The following ARHGAP8 variants were observed in gnomAD, a reference collection of about 807,000 sequenced individuals.
The protein encoded by ARHGAP8 is Rho GTPase activating protein 8, also known as rho GTPase-activating protein 8.
A neutral mutation model predicts 46.1 loss-of-function variants in ARHGAP8; 62 were observed. That is an observed-to-expected ratio of 1.34 (90% CI 1.10 to 1.66). The LOEUF is 1.66. Ranked by LOEUF, ARHGAP8 falls within the 40% of genes most tolerant of loss-of-function variation. The pLI is 0.00. For synonymous variants in ARHGAP8, 375 were observed against 243.1 expected, an observed-to-expected ratio of 1.54 and a Z score of -5.05; for missense variants, 923 against 568.4, an observed-to-expected ratio of 1.62 and a Z score of -6.34.
chr22:44,826,350 C>T (rs911464611), intron 7 of ARHGAP8, among the ~76,000 whole-genome samples: 5 of 152,154 alleles, frequency 3.3e-5, no homozygotes, highest in Non-Finnish European at 5.9e-5. Context: ...CCTGTCCTTC[C>T]TAATACCCTT....
intron 10 of ARHGAP8, among the ~76,000 whole-genome samples, chr22:44,856,253 CCTTTTTTTTTTTTTT>C (rs2070219665): frequency 3.6e-5 from 4 of 111,092 alleles, no homozygotes; most frequent in African/African-American, 8.6e-5. Flanking sequence ...CTATAAATTC[CCTTTTTTTTTTTTTT>C]TTTTTTTTTT....
At chr22:44,800,440 C>G (rs541466128) in intron 2 of ARHGAP8, among the ~76,000 whole-genome samples, 3 of 152,280 alleles carry the variant, frequency 2.0e-5, no homozygotes, top group East Asian at 1.9e-4. Flanking sequence ...GCGCCTGGCC[C>G]GGAGCCTGGA....
At chr22:44,792,006 C>CTTCT (rs537616131) in intron 2 of ARHGAP8, among the ~76,000 whole-genome samples, 1 of 140,810 alleles carries the variant, frequency 7.1e-6, no homozygotes, top group East Asian at 2.3e-4. Flanking sequence ...TCTTCTTTTT[C>CTTCT]TTCTTTCTTT....
At chr22:44,761,921 G>T (rs958031860) in intron 1 of ARHGAP8, among the ~76,000 whole-genome samples, 1 of 152,170 alleles carries the variant, frequency 6.6e-6, no homozygotes, top group African/African-American at 2.4e-5. Flanking sequence ...AAAACCATCA[G>T]ATCTCATGAG....
intron 10 of ARHGAP8, among the ~76,000 whole-genome samples, chr22:44,854,260 G>A (rs949213194): frequency 1.4e-5 from 2 of 138,474 alleles, no homozygotes; most frequent in Admixed American, 7.7e-5. Flanking sequence ...TTTTTGAGAC[G>A]GAGTCTTGCT....
At chr22:44,776,918 C>A (rs1465788594) in intron 1 of ARHGAP8, among the ~76,000 whole-genome samples, 1 of 152,106 alleles carries the variant, frequency 6.6e-6, no homozygotes, top group East Asian at 1.9e-4. Context: ...CCTGCTCTGT[C>A]CATCACCCTC....
chr22:44,815,688 A>G (rs981525840), intron 5 of ARHGAP8, among the ~76,000 whole-genome samples: 4 of 152,054 alleles, frequency 2.6e-5, no homozygotes, highest in Non-Finnish European at 5.9e-5. Flanking sequence ...CCATATTTAG[A>G]CTTGTTCCTG....
chr22:44,860,222 TACACCCAGA>T (rs1414368024), intron 11 of ARHGAP8, among the ~76,000 whole-genome samples: 4 of 152,150 alleles, frequency 2.6e-5, no homozygotes, highest in Non-Finnish European at 4.4e-5. Context: ...GGGGAAGGGA[TACACCCAGA>T]ACCACGTACA....
At chr22:44,844,028 G>C (rs2069895212) in intron 7 of ARHGAP8, among the ~76,000 whole-genome samples, 1 of 152,220 alleles carries the variant, frequency 6.6e-6, no homozygotes, top group Non-Finnish European at 1.5e-5. Flanking sequence ...TTGGAGTGCA[G>C]TGGTGCGATC....
chr22:44,858,364 T>G (rs1296979590), intron 10 of ARHGAP8, among the ~76,000 whole-genome samples: 4 of 114,374 alleles, frequency 3.5e-5, no homozygotes, highest in Admixed American at 1.0e-4. Context: ...TGTTGGTTGG[T>G]GGTGGTTTTT....
At chr22:44,761,200 G>A (rs944715301) in intron 1 of ARHGAP8, among the ~76,000 whole-genome samples, 4 of 141,224 alleles carry the variant, frequency 2.8e-5, no homozygotes, top group Admixed American at 6.7e-5. Context: ...AAGGATCACG[G>A]AAATAAGTGC....
rs985087696 is a variant in ARHGAP8, at chr22:44,820,359, C to T, written c.387-2012C>T. On this transcript the variant is annotated intron_variant, in intron 5 of 11. Coordinates refer to ENST00000356099, the MANE Select transcript of ARHGAP8 (RefSeq NM_181335.3). ...GGGAGGCCTCCCTGCAGCTCTGAAG[C>T]GGGCACCTCTGTCCCTGAGAATGGT... 1.9e-3 allele frequency among the ~76,000 whole-genome samples: 290 copies of T among 152,250 alleles called. 3 individuals are homozygous for T. The highest frequency in any genetic ancestry group is 6.5e-3 in the African/African-American group (269 of 41,546).
At chr22:44,828,508 G>T (rs1430712967) in intron 7 of ARHGAP8, among the ~76,000 whole-genome samples, 1 of 150,170 alleles carries the variant, frequency 6.7e-6, no homozygotes, top group African/African-American at 2.5e-5. Flanking sequence ...GGAGTGCAGT[G>T]GCAGGATCTC....
chr22:44,799,071 C>A lies in ARHGAP8; in HGVS notation c.80-3006C>A, dbSNP rs545412401. ...CAGGCTTCCCATCCCCAGCCCCCAC[C>A]TGGGGGGCCCCCAAGGTCTCCTGGG... On this transcript the variant is annotated intron_variant, in intron 2 of 11. Coordinates refer to ENST00000356099, the MANE Select transcript of ARHGAP8 (RefSeq NM_181335.3). 3.3e-5 allele frequency among the ~76,000 whole-genome samples: 5 copies of A among 152,364 alleles called. No individual in the cohort carries two copies. The East Asian group carries it at 7.7e-4, about 24-fold the overall frequency.
intron 1 of ARHGAP8, among the ~76,000 whole-genome samples, chr22:44,759,119 C>T (rs954658021): frequency 6.6e-6 from 1 of 152,190 alleles, no homozygotes; most frequent in African/African-American, 2.4e-5. Flanking sequence ...AACCAGGCCA[C>T]GCTGGGCCTT....
At chr22:44,858,315 G>C (rs866723138) in intron 10 of ARHGAP8, among the ~76,000 whole-genome samples, 1 of 150,006 alleles carries the variant, frequency 6.7e-6, no homozygotes, top group Admixed American at 6.6e-5. Context: ...GTGCATACAT[G>C]TTCACACATG....
Position 44,862,765 on chromosome 22 carries a change from T to G in ARHGAP8, c.*170T>G. 2 of 815,366 alleles carry G rather than the reference T, an allele frequency of 2.5e-6. No homozygotes were observed. Among genetic ancestry groups the G allele is most frequent in the Non-Finnish European group, 3.6e-6 (2 of 549,586 alleles). 50.5% of individuals were successfully genotyped at this position (815,366 alleles called of 1,614,324 possible). A position where few individuals can be genotyped will look rare whatever the true frequency, so the allele number is the denominator to read the frequency against. ...GGACTCTTGTCCATGGTTCCTGAGC[T>G]GTGGACCGGGATAGAATAATGCATT... On this transcript the variant is annotated 3_prime_UTR_variant, in exon 12 of 12. Coordinates refer to ENST00000356099, the MANE Select transcript of ARHGAP8 (RefSeq NM_181335.3).
intron 5 of ARHGAP8, among the ~76,000 whole-genome samples, chr22:44,821,612 A>G (rs1930151941): frequency 6.6e-6 from 1 of 152,172 alleles, no homozygotes; most frequent in South Asian, 2.1e-4. Context: ...CCACTTTGCA[A>G]TTCATGCTGA....
chr22:44,835,348 G>A (rs994896093), intron 7 of ARHGAP8, among the ~76,000 whole-genome samples: 5 of 152,038 alleles, frequency 3.3e-5, no homozygotes, highest in African/African-American at 1.2e-4. Context: ...AGCCAGGCGT[G>A]GTGGCTGAAG....
Sources: allele counts gnomAD v4.1 joint callset (sites outside exome capture counted in the v4.1 genomes callset), GRCh38; gene constraint gnomAD v4.1.1; transcripts MANE v1.5; gene names NCBI Gene and HGNC (gene_info 2026-07-23, HGNC 2026-07-21).